Variants in CRACDL observed in about 807,000 individuals in gnomAD.
The protein encoded by CRACDL is CRACD like.
In CRACDL, 26 loss-of-function variants were observed where a neutral mutation model predicts 70.6. That is an observed-to-expected ratio of 0.37 (90% CI 0.27 to 0.51). The LOEUF is 0.51. CRACDL is among the 20% of genes least tolerant of loss of function. The probability of loss-of-function intolerance (pLI) is 0.94; values close to 1 mark genes in which losing one functional copy is unlikely to be tolerated. For synonymous variants in CRACDL, 618 were observed against 615.2 expected (o/e 1.00, Z -0.07); for missense variants, 1,283 against 1,376.9 (o/e 0.93, Z 1.08).
intron 1 of CRACDL, among the ~76,000 whole-genome samples, chr2:98,871,230 T>C (rs1707335352): frequency 6.6e-6 from 1 of 152,218 alleles, no homozygotes; most frequent in Non-Finnish European, 1.5e-5. Flanking sequence ...TAGAATAGAA[T>C]TTATAAACTG....
At chr2:98,906,535 T>C (rs1222789165) in intron 1 of CRACDL, among the ~76,000 whole-genome samples, 1 of 123,686 alleles carries the variant, frequency 8.1e-6, no homozygotes, top group Non-Finnish European at 1.7e-5. Flanking sequence ...GTGCTGGGAT[T>C]ACAGGCGTGA....
At chr2:98,926,257 A>G (rs1708905780) in intron 1 of CRACDL, among the ~76,000 whole-genome samples, 1 of 152,194 alleles carries the variant, frequency 6.6e-6, no homozygotes, top group African/African-American at 2.4e-5. Context: ...CTCTTTTTAA[A>G]GAAAATATGG....
chr2:98,864,436 G>A (rs1299805702), intron 1 of CRACDL, among the ~76,000 whole-genome samples: 2 of 152,150 alleles, frequency 1.3e-5, no homozygotes, highest in Admixed American at 6.5e-5. Context: ...CAGGTAGAAT[G>A]GGAGTGACTG....
chr2:98,805,979 A>G (rs1324372944), intron 7 of CRACDL, among the ~76,000 whole-genome samples: 1 of 152,260 alleles, frequency 6.6e-6, no homozygotes. Context: ...TTCTATCATT[A>G]AAAGGCGAGG....
intron 1 of CRACDL, among the ~76,000 whole-genome samples, chr2:98,902,773 C>T (rs1024900753): frequency 1.3e-5 from 2 of 152,084 alleles, no homozygotes; most frequent in African/African-American, 4.8e-5. Flanking sequence ...GGAGTCACCC[C>T]CGATCTCAGT....
At chr2:98,795,077 A>ATATATATATATATATATTTTTT in intron 9 of CRACDL, among the ~76,000 whole-genome samples, 1 of 58,510 alleles carries the variant, frequency 1.7e-5, no homozygotes, top group African/African-American at 6.6e-5. Flanking sequence ...ATATATATAT[A>ATATATATATATATATATTTTTT]TTTTTTTTTT....
chr2:98,813,346 T>C (rs148835426), intron 7 of CRACDL, among the ~76,000 whole-genome samples: 3,139 of 152,236 alleles, frequency 0.021, 63 homozygotes, highest in East Asian at 0.093. Context: ...GCAGGAGAAT[T>C]GCTTGAACCT....
At chr2:98,917,238 A>C (rs995522009) in intron 1 of CRACDL, among the ~76,000 whole-genome samples, 2 of 152,202 alleles carry the variant, frequency 1.3e-5, no homozygotes, top group Non-Finnish European at 2.9e-5. Context: ...TGGATGTTCA[A>C]ATTCCTTCCA....
intron 1 of CRACDL, among the ~76,000 whole-genome samples, chr2:98,890,867 G>A (rs575376119): frequency 5.9e-5 from 9 of 151,884 alleles, no homozygotes; most frequent in African/African-American, 1.9e-4. Flanking sequence ...GACCAGCCTC[G>A]TCAACACGGT....
intron 1 of CRACDL, among the ~76,000 whole-genome samples, chr2:98,854,209 AG>A (rs147885548): frequency 0.035 from 4,978 of 144,034 alleles, 277 homozygotes; most frequent in East Asian, 0.14. Context: ...TGAACCCGGG[AG>A]GCAGAAGTTG....
intron 7 of CRACDL, among the ~76,000 whole-genome samples, chr2:98,808,692 C>T (rs759144888): frequency 3.3e-5 from 5 of 152,186 alleles, no homozygotes; most frequent in African/African-American, 4.8e-5. Flanking sequence ...TACCCTTGGC[C>T]CTGCTCAGAG....
chr2:98,845,344 G>A (rs1706214272), intron 2 of CRACDL, among the ~76,000 whole-genome samples: 1 of 151,686 alleles, frequency 6.6e-6, no homozygotes, highest in Non-Finnish European at 1.5e-5. Context: ...CTACAGGTGT[G>A]TGCCACCATG....
chr2:98,913,573 AG>A (rs1193583290), intron 1 of CRACDL, among the ~76,000 whole-genome samples: 1 of 152,030 alleles, frequency 6.6e-6, no homozygotes, highest in Non-Finnish European at 1.5e-5. Flanking sequence ...GATAGATTGG[AG>A]GGTGCAGGCA....
At chr2:98,935,119 GAAGC>G (rs1252443510) in intron 1 of CRACDL, among the ~76,000 whole-genome samples, 1 of 152,168 alleles carries the variant, frequency 6.6e-6, no homozygotes, top group East Asian at 1.9e-4. Context: ...GCAAATGAAG[GAAGC>G]CTGCAGGCTC....
intron 1 of CRACDL, among the ~76,000 whole-genome samples, chr2:98,892,715 T>G (rs921752449): frequency 1.3e-5 from 2 of 151,988 alleles, no homozygotes; most frequent in African/African-American, 2.4e-5. Context: ...AAAATAAAAT[T>G]TTTTTAAAAA....
chr2:98,895,826 G>C lies in CRACDL; in HGVS notation c.-11+40112C>G, dbSNP rs188230727. 2.2e-3 allele frequency among the ~76,000 whole-genome samples: 330 copies of C among 152,226 alleles called. 2 individuals carry two copies. Among genetic ancestry groups the C allele is most frequent in the African/African-American group, 7.7e-3 (318 of 41,538 alleles). The stretch of plus-strand genomic sequence containing the variant: ...AACCCCAAGCTGATGGCTTTAGGTG[G>C]TGGAGGCTCTGAGAGGTGATTAGGT... On this transcript the variant is annotated intron_variant, in intron 1 of 9. Coordinates refer to ENST00000397899, the MANE Select transcript of CRACDL (RefSeq NM_207362.3).
intron 1 of CRACDL, among the ~76,000 whole-genome samples, chr2:98,925,383 C>T (rs1404121511): frequency 6.6e-6 from 1 of 152,178 alleles, no homozygotes; most frequent in African/African-American, 2.4e-5. Context: ...AGGTTAAAAA[C>T]AAGGTGACAA....
intron 9 of CRACDL, 150 bp downstream of exon 9, chr2:98,795,970 T>C: frequency 1.3e-6 from 1 of 741,082 alleles, no homozygotes; most frequent in Non-Finnish European, 2.3e-6. Context: ...ATGAGTTTTA[T>C]GACACGTAAA....
intron 1 of CRACDL, among the ~76,000 whole-genome samples, chr2:98,895,865 C>A (rs1006782883): frequency 3.9e-5 from 6 of 151,966 alleles, no homozygotes; most frequent in Non-Finnish European, 8.8e-5. Context: ...GGGGCTGGGG[C>A]CTTCATGAAT....
Sources: allele counts gnomAD v4.1 joint callset (sites outside exome capture counted in the v4.1 genomes callset), GRCh38; gene constraint gnomAD v4.1.1; transcripts MANE v1.5; gene names NCBI Gene and HGNC (gene_info 2026-07-23, HGNC 2026-07-21).